SLTM: variants seen among roughly 807,000 people sequenced by gnomAD.
The protein encoded by SLTM is SAFB like transcription modulator.
A neutral mutation model predicts 134.6 loss-of-function variants in SLTM; 43 were observed. The ratio of observed to expected loss-of-function variants is 0.32; its 90% CI spans 0.25 to 0.41. The LOEUF (loss-of-function observed/expected upper bound fraction) is 0.41. SLTM is among the 10% of genes least tolerant of loss of function. The pLI is 1.00. For synonymous variants in SLTM, 424 were observed against 432.3 expected, an observed-to-expected ratio of 0.98 and a Z score of 0.24; for missense variants, 1,055 against 1,288.8, an observed-to-expected ratio of 0.82 and a Z score of 2.78.
rs1160351179 is a variant in SLTM, at chr15:58,879,594, G to T, written c.*405C>A. 1 of 157,436 alleles carries T rather than the reference G, an allele frequency of 6.4e-6. No individual in the cohort carries two copies. The highest frequency in any genetic ancestry group is 1.4e-5 in the Non-Finnish European group (1 of 71,426). The allele number at this position is 157,436 out of a possible 1,614,324, so 9.8% of individuals were successfully genotyped here. On this transcript the variant is annotated 3_prime_UTR_variant, in exon 21 of 21. Transcript: ENST00000380516. ...AAATTAGACAGCTAAGACTTCTTAA[G>T]TGTAGACAGCCTTCAAAATGGAGGC...
chr15:58,882,348 T>A (rs1390866726), intron 20 of SLTM, among the ~76,000 whole-genome samples: 1 of 151,504 alleles, frequency 6.6e-6, no homozygotes, highest in Non-Finnish European at 1.5e-5. Flanking sequence ...GAGGAATGAG[T>A]TTGACTGTGA....
chr15:58,913,789 C>A, intron 3 of SLTM, 93 bp from the exon 4 acceptor site: 1 of 854,232 alleles, frequency 1.2e-6, no homozygotes, highest in South Asian at 1.6e-5. Context: ...TTAAATGTGT[C>A]AAATTTGATC....
At position 58,912,626 on chromosome 15, in the gene SLTM, T is replaced by A; in HGVS notation, c.514-16A>T. 3.1e-6 allele frequency: 5 copies of A among 1,588,630 alleles called. No individual in the cohort carries two copies. The highest frequency in any genetic ancestry group is 4.3e-6 in the Non-Finnish European group (5 of 1,163,592). On this transcript the variant is annotated splice_polypyrimidine_tract_variant and intron_variant, in intron 4 of 20. Transcript: ENST00000380516. ...CTTCAATTTCCTAAGTAAAAGGGTA[T>A]ACAATAGCTTTGCTTTATAAAATAT...
intron 17 of SLTM, among the ~76,000 whole-genome samples, chr15:58,888,106 T>A (rs1448949292): frequency 6.6e-6 from 1 of 152,100 alleles, no homozygotes; most frequent in Non-Finnish European, 1.5e-5. Context: ...TATGCCAAGA[T>A]TGCACCACTG....
intron 2 of SLTM, among the ~76,000 whole-genome samples, chr15:58,918,108 C>T (rs2036773721): frequency 6.6e-6 from 1 of 151,320 alleles, no homozygotes; most frequent in African/African-American, 2.4e-5. Flanking sequence ...AAAAGTTTTC[C>T]ACAGAGGCAA....
chr15:58,906,172 A>G (rs1231497307), intron 5 of SLTM, among the ~76,000 whole-genome samples: 1 of 152,260 alleles, frequency 6.6e-6, no homozygotes, highest in Non-Finnish European at 1.5e-5. Context: ...AATGGTATAT[A>G]TGCACAGACA....
At chr15:58,912,718 T>A (rs1294507966) in intron 4 of SLTM, 108 bp from the exon 5 acceptor site, 4 of 857,820 alleles carry the variant, frequency 4.7e-6, no homozygotes, top group African/African-American at 3.4e-5. Flanking sequence ...CTGTATAATA[T>A]CTGCGATACC....
At chr15:58,926,941 G>C (rs894222948) in intron 2 of SLTM, among the ~76,000 whole-genome samples, 1 of 152,032 alleles carries the variant, frequency 6.6e-6, no homozygotes, top group African/African-American at 2.4e-5. Context: ...TGCGATAAAA[G>C]GGCTAATTTT....
In SLTM at chr15:58,897,214, A is replaced by G. The variant is rs987665911; in HGVS notation, c.1128T>C (p.Ser376=). Residue 376 remains serine (S), a synonymous_variant, in exon 9 of 21, where the codon AGT becomes AGC. Coordinates refer to ENST00000380516, the MANE Select transcript of SLTM (RefSeq NM_024755.4). ...TTTTAGTTGAGCTTCCACTGCTACC[A>G]CTAGTACTACTTGTACTTCCTAGAA... ...KDDKGSTSST[S]GSSGSSTKNI... The G allele has an allele frequency of 3.1e-6, 5 of 1,598,950 alleles. No homozygotes were observed. The highest frequency in any genetic ancestry group is 4.3e-6 in the Non-Finnish European group (5 of 1,166,512).
chr15:58,909,730 G>C (rs2036124417), intron 5 of SLTM, among the ~76,000 whole-genome samples: 1 of 152,212 alleles, frequency 6.6e-6, no homozygotes, highest in Non-Finnish European at 1.5e-5. Flanking sequence ...CAAGCCTCTA[G>C]ATGCTACAAC....
chr15:58,884,099 CAA>C (rs751356628), intron 19 of SLTM, among the ~76,000 whole-genome samples: 26 of 114,996 alleles, frequency 2.3e-4, no homozygotes, highest in Middle Eastern at 4.5e-3. Context: ...AACCCCATCT[CAA>C]AAAAAAAAAA....
chr15:58,894,940 G>A (rs543188052), intron 9 of SLTM, among the ~76,000 whole-genome samples: 1 of 152,184 alleles, frequency 6.6e-6, no homozygotes, highest in African/African-American at 2.4e-5. Flanking sequence ...CCTGACCTCA[G>A]GTGATCGGCC....
chr15:58,893,306 T>C lies in SLTM; in HGVS notation c.1707A>G (p.Arg569=), dbSNP rs758262560. 1.2e-5 allele frequency: 20 copies of C among 1,611,572 alleles called. No homozygotes were observed. Among genetic ancestry groups the C allele is most frequent in the Middle Eastern group, 3.3e-4 (2 of 6,058 alleles). ...TCTCATATCTTCCTCTTCTTGATGG[T>C]CTACAATGATCTCCTTTAGTTTGGT... The part of the protein sequence containing the change: ...ILDQTKGDHC[R]PSRRGRYEKI... Residue 569 remains arginine, a synonymous_variant, in exon 13 of 21, where the codon AGA becomes AGG. Coordinates refer to ENST00000380516, the MANE Select transcript of SLTM (RefSeq NM_024755.4).
intron 2 of SLTM, among the ~76,000 whole-genome samples, chr15:58,927,557 CA>C (rs2037567864): frequency 6.6e-6 from 1 of 152,192 alleles, no homozygotes; most frequent in African/African-American, 2.4e-5. Flanking sequence ...AGGCGTGAGC[CA>C]TGCGCCTGGC....
intron 2 of SLTM, among the ~76,000 whole-genome samples, chr15:58,927,848 A>G (rs920454464): frequency 1.6e-4 from 25 of 152,226 alleles, no homozygotes; most frequent in African/African-American, 5.1e-4. Flanking sequence ...GGAGGAAAAA[A>G]GCTAATTACA....
At chr15:58,897,918 C>G (rs1366799601) in intron 8 of SLTM, 2 of 152,046 alleles carry the variant, frequency 1.3e-5, no homozygotes, top group African/African-American at 4.8e-5. Flanking sequence ...GAGGCCATAT[C>G]TTAGGATACA....
chr15:58,907,986 C>T (rs1374473733), intron 5 of SLTM, among the ~76,000 whole-genome samples: 2 of 138,074 alleles, frequency 1.4e-5, no homozygotes, highest in Non-Finnish European at 3.1e-5. Flanking sequence ...AGATATATCC[C>T]TATATAAACA....
chr15:58,897,900 T>A (rs2035209358), intron 8 of SLTM: 1 of 152,140 alleles, frequency 6.6e-6, no homozygotes. Context: ...TATGGCTTCA[T>A]ATGTATAGAG....
rs778125353 is a variant in SLTM, at chr15:58,894,441, C to T, written c.1369G>A (p.Val457Ile). ...CAGTTAGGGAAGCTTACTTTTTCAA[C>T]AGAAATCAGCTGTCCATGCAGCTCA... ...RTELHGQLIS[V>I]EKVKGDPSKK... Residue 457 changes from valine (V) to isoleucine (I), a missense_variant, in exon 10 of 21, where the codon GTT becomes ATT. Around this residue, in one of 3 missense-constraint regions of SLTM, gnomAD observed 776 missense variants for 962.2 expected, o/e 0.81. Coordinates refer to ENST00000380516, the MANE Select transcript of SLTM (RefSeq NM_024755.4). The T allele has an allele frequency of 6.2e-7, 1 of 1,613,908 alleles. No homozygotes were observed. The highest frequency in any genetic ancestry group is 8.5e-7 in the Non-Finnish European group (1 of 1,179,948).
Sources: allele counts gnomAD v4.1 joint callset (sites outside exome capture counted in the v4.1 genomes callset), GRCh38; gene constraint gnomAD v4.1.1; regional missense constraint gnomAD v4.1.1; transcripts MANE v1.5; gene names NCBI Gene and HGNC (gene_info 2026-07-23, HGNC 2026-07-21).